Variants in PDE4D observed in about 807,000 individuals in gnomAD.
PDE4D encodes the protein 3',5'-cyclic-AMP phosphodiesterase 4D.
A neutral mutation model predicts 87.4 loss-of-function variants in PDE4D; 24 were observed. The ratio of observed to expected loss-of-function variants is 0.27; its 90% confidence interval spans 0.20 to 0.39. The LOEUF is 0.39. Among genes scored for constraint, PDE4D ranks in the 10% least tolerant of loss-of-function variants. The pLI is 1.00. For missense variants in PDE4D, 714 were observed against 1,041.0 expected, an observed-to-expected ratio of 0.69 and a Z score of 4.32; for synonymous variants, 384 against 383.2, an observed-to-expected ratio of 1.00 and a Z score of -0.02.
At chr5:60,477,697 C>T (rs145284680) in intron 1 of PDE4D, among the ~76,000 whole-genome samples, 230 of 152,288 alleles carry the variant, frequency 1.5e-3, no homozygotes, top group African/African-American at 5.3e-3. Flanking sequence ...AAATGTGACA[C>T]ACAAAGAGAC....
intron 1 of PDE4D, among the ~76,000 whole-genome samples, chr5:60,445,154 G>C (rs1425627657): frequency 6.6e-6 from 1 of 152,126 alleles, no homozygotes; most frequent in Non-Finnish European, 1.5e-5. Flanking sequence ...GGTAGAATGA[G>C]CAATTAAGAC....
At chr5:59,662,188 T>C (rs1745365897) in intron 1 of PDE4D, among the ~76,000 whole-genome samples, 1 of 152,216 alleles carries the variant, frequency 6.6e-6, no homozygotes, top group Admixed American at 6.5e-5. Context: ...CTCTACTTTC[T>C]TCTAATGGAT....
intron 1 of PDE4D, among the ~76,000 whole-genome samples, chr5:59,246,184 G>A (rs1758805083): frequency 6.6e-6 from 1 of 151,928 alleles, no homozygotes; most frequent in Non-Finnish European, 1.5e-5. Flanking sequence ...TACAGTGTCA[G>A]CTTTGTTTGA....
chr5:59,330,009 T>C (rs1776419760), intron 1 of PDE4D, among the ~76,000 whole-genome samples: 2 of 152,222 alleles, frequency 1.3e-5, no homozygotes, highest in African/African-American at 4.8e-5. Context: ...AAAGCCATTC[T>C]ATAAATAAAC....
intron 1 of PDE4D, among the ~76,000 whole-genome samples, chr5:59,290,277 C>T (rs1051409418): frequency 6.6e-6 from 1 of 151,836 alleles, no homozygotes; most frequent in African/African-American, 2.4e-5. Context: ...ATCCATACAT[C>T]TACAGCGAAC....
At chr5:59,068,375 T>C (rs1764241385) in intron 5 of PDE4D, among the ~76,000 whole-genome samples, 2 of 152,308 alleles carry the variant, frequency 1.3e-5, no homozygotes, top group South Asian at 4.1e-4. Context: ...TTTATTCATT[T>C]GTTCTTTTGT....
intron 3 of PDE4D, among the ~76,000 whole-genome samples, chr5:59,932,938 C>A (rs532214522): frequency 1.4e-5 from 2 of 146,606 alleles, no homozygotes; most frequent in South Asian, 2.3e-4. Context: ...CCCCAGGGAG[C>A]AGCTAACCCT....
intron 2 of PDE4D, among the ~76,000 whole-genome samples, chr5:60,097,302 A>G (rs1489626738): frequency 8.7e-6 from 1 of 115,294 alleles, no homozygotes; most frequent in Non-Finnish European, 2.0e-5. Context: ...ACAAATAAAA[A>G]GTAAAGAAGG....
At chr5:59,651,301 AATAATT>A (rs1259772942) in intron 1 of PDE4D, among the ~76,000 whole-genome samples, 7 of 143,590 alleles carry the variant, frequency 4.9e-5, no homozygotes, top group African/African-American at 1.8e-4. Context: ...TAATAATAAT[AATAATT>A]GCTAAATGAG....
intron 1 of PDE4D, among the ~76,000 whole-genome samples, chr5:59,412,735 T>C (rs1381653231): frequency 6.6e-6 from 1 of 152,236 alleles, no homozygotes; most frequent in Non-Finnish European, 1.5e-5. Flanking sequence ...AAGAAAATGA[T>C]TGTTTCATTT....
At chr5:59,435,072 A>G (rs940244938) in intron 1 of PDE4D, among the ~76,000 whole-genome samples, 3 of 152,136 alleles carry the variant, frequency 2.0e-5, no homozygotes, top group Non-Finnish European at 4.4e-5. Context: ...CTGATTCCAG[A>G]GACCAGACTA....
At chr5:60,478,546 C>T (rs1748497645) in intron 1 of PDE4D, among the ~76,000 whole-genome samples, 2 of 152,124 alleles carry the variant, frequency 1.3e-5, no homozygotes, top group South Asian at 2.1e-4. Context: ...TGTATATATA[C>T]CAGATTCACT....
intron 2 of PDE4D, among the ~76,000 whole-genome samples, chr5:60,069,637 T>G (rs4131157): frequency 0.29 from 44,258 of 151,916 alleles, 7,216 homozygotes; most frequent in East Asian, 0.74. Context: ...CTAGCTTTAT[T>G]CTTTTTTTCA....
intron 1 of PDE4D, among the ~76,000 whole-genome samples, chr5:60,386,207 TA>T (rs910120356): frequency 7.9e-5 from 12 of 151,600 alleles, no homozygotes; most frequent in East Asian, 1.9e-4. Context: ...GTACGTGCTT[TA>T]AAAAAAAATG....
intron 1 of PDE4D, among the ~76,000 whole-genome samples, chr5:60,419,785 G>T (rs1742931078): frequency 1.3e-5 from 2 of 152,114 alleles, no homozygotes; most frequent in Non-Finnish European, 2.9e-5. Context: ...AAATATATGA[G>T]GCAACCGTTT....
At chr5:59,428,621 T>C (rs779238577) in intron 1 of PDE4D, among the ~76,000 whole-genome samples, 1 of 152,162 alleles carries the variant, frequency 6.6e-6, no homozygotes, top group Non-Finnish European at 1.5e-5. Flanking sequence ...TCCAAGTGTA[T>C]TGTTTTCTCA....
chr5:59,671,612 A>C (rs1747217286), intron 1 of PDE4D, among the ~76,000 whole-genome samples: 2 of 152,096 alleles, frequency 1.3e-5, no homozygotes, highest in South Asian at 4.1e-4. Context: ...ATTCAAGACC[A>C]GCCTGGGTAA....
At chr5:59,503,779 A>T (rs917263845) in intron 1 of PDE4D, among the ~76,000 whole-genome samples, 1 of 152,138 alleles carries the variant, frequency 6.6e-6, no homozygotes, top group Non-Finnish European at 1.5e-5. Context: ...CTTTCTTGAT[A>T]TGAACAAAGG....
intron 2 of PDE4D, among the ~76,000 whole-genome samples, chr5:60,013,907 C>G (rs929910747): frequency 1.3e-5 from 2 of 151,840 alleles, no homozygotes; most frequent in African/African-American, 4.8e-5. Context: ...TCCTGGCCAA[C>G]ATGGTGAAAC....
Sources: allele counts gnomAD v4.1 joint callset (sites outside exome capture counted in the v4.1 genomes callset), GRCh38; gene constraint gnomAD v4.1.1; transcripts MANE v1.5; gene names NCBI Gene and HGNC (gene_info 2026-07-23, HGNC 2026-07-21).